Variants in PIBF1 observed in about 807,000 individuals in gnomAD.
The protein encoded by PIBF1 is progesterone-induced-blocking factor 1.
A neutral mutation model predicts 112.5 loss-of-function variants in PIBF1; 90 were observed. The ratio of observed to expected loss-of-function variants is 0.80; its 90% CI spans 0.67 to 0.95. The LOEUF (loss-of-function observed/expected upper bound fraction) is 0.95, where lower values mean the gene tolerates loss of function less well. Among genes scored for constraint, PIBF1 ranks in the 40% least tolerant of loss-of-function variants. The pLI, the probability that PIBF1 is intolerant of heterozygous loss-of-function variation, is 0.00. For missense variants in PIBF1, 915 were observed against 852.3 expected, an observed-to-expected ratio of 1.07 and a Z score of -0.92; for synonymous variants, 301 against 288.6, an observed-to-expected ratio of 1.04 and a Z score of -0.44.
At chr13:72,922,150 T>A (rs1336551551) in intron 13 of PIBF1, among the ~76,000 whole-genome samples, 2 of 151,728 alleles carry the variant, frequency 1.3e-5, no homozygotes, top group Non-Finnish European at 2.9e-5. Flanking sequence ...TTTTATTTTT[T>A]ATTTTTTTGT....
intron 17 of PIBF1, among the ~76,000 whole-genome samples, chr13:72,999,240 A>T (rs1039773070): frequency 6.6e-6 from 1 of 152,082 alleles, no homozygotes; most frequent in Non-Finnish European, 1.5e-5. Context: ...ACTGAAATGC[A>T]TTGTTAGCTA....
At position 73,016,325 on chromosome 13, in the gene PIBF1, C is replaced by T. The variant is rs1327590756; in HGVS notation, c.*406C>T. 2 of 152,190 alleles carry T rather than the reference C, an allele frequency of 1.3e-5. No individual in the cohort carries two copies. Among genetic ancestry groups the T allele is most frequent in the Admixed American group, 6.6e-5 (1 of 15,260 alleles). The allele number at this position is 152,190 out of a possible 1,614,324, so 9.4% of individuals were successfully genotyped here. ...TCCACTACGAGGTACTTCAAAAGCC[C>T]AGTAATGGTGGTCAGATACCATGTA... On this transcript the variant is annotated 3_prime_UTR_variant, in exon 18 of 18. Transcript: ENST00000326291.
intron 14 of PIBF1, among the ~76,000 whole-genome samples, chr13:72,940,008 CT>C (rs1402909929): frequency 7.9e-5 from 12 of 152,190 alleles, no homozygotes; most frequent in African/African-American, 2.9e-4. Context: ...TATCATTTGG[CT>C]TTCTGGAGTT....
At chr13:72,822,404 A>G (rs2036598043) in intron 6 of PIBF1, among the ~76,000 whole-genome samples, 1 of 152,030 alleles carries the variant, frequency 6.6e-6, no homozygotes, top group Non-Finnish European at 1.5e-5. Context: ...TTTGCTACTT[A>G]TAGCAAATAC....
intron 14 of PIBF1, among the ~76,000 whole-genome samples, chr13:72,931,938 C>CTTTTTTTTTTT (rs59274277): frequency 2.8e-4 from 28 of 100,800 alleles, no homozygotes; most frequent in African/African-American, 4.3e-4. Flanking sequence ...TTGTTTCTTT[C>CTTTTTTTTTTT]TTTTTTTTTT....
intron 9 of PIBF1, among the ~76,000 whole-genome samples, chr13:72,836,790 A>G (rs1450211073): frequency 1.3e-5 from 2 of 152,026 alleles, no homozygotes; most frequent in Non-Finnish European, 2.9e-5. Flanking sequence ...TCATAAAATG[A>G]CTCTCATGAA....
intron 2 of PIBF1, among the ~76,000 whole-genome samples, chr13:72,790,582 G>T (rs1020908791): frequency 6.6e-6 from 1 of 151,858 alleles, no homozygotes; most frequent in Non-Finnish European, 1.5e-5. Flanking sequence ...CATATAGGTG[G>T]CACCTAAAGC....
chr13:72,884,372 A>G (rs2039762531), intron 10 of PIBF1: 1 of 152,204 alleles, frequency 6.6e-6, no homozygotes, highest in Non-Finnish European at 1.5e-5. Flanking sequence ...AGTCATGGTT[A>G]CAATGGAAAG....
Position 72,927,978 on chromosome 13 carries a change from C to CACAT in PIBF1, c.1731-3186_1731-3185insCATA, listed in dbSNP as rs1555316902. On this transcript the variant is annotated intron_variant, in intron 13 of 17. Coordinates refer to ENST00000326291, the MANE Select transcript of PIBF1 (RefSeq NM_006346.4). The stretch of plus-strand genomic sequence containing the variant: ...ATATATACACATATATATATATATA[C>CACAT]ATATATATATACACACACATATATA... Among the ~76,000 whole-genome samples, 340 of 74,292 alleles carry CACAT rather than the reference C, an allele frequency of 4.6e-3. 4 individuals carry two copies. The highest frequency in any genetic ancestry group is 7.2e-3 in the Admixed American group (48 of 6,626). The allele number at this position is 74,292 out of a possible 152,430, so 48.7% of individuals were successfully genotyped here.
intron 12 of PIBF1, among the ~76,000 whole-genome samples, chr13:72,915,221 C>T (rs1350518916): frequency 1.1e-4 from 16 of 152,074 alleles, no homozygotes; most frequent in Non-Finnish European, 5.9e-5. Flanking sequence ...CCTTACAAGT[C>T]TATGCTTCTG....
intron 14 of PIBF1, among the ~76,000 whole-genome samples, chr13:72,953,663 C>T (rs1309508243): frequency 6.6e-6 from 1 of 152,156 alleles, no homozygotes; most frequent in African/African-American, 2.4e-5. Context: ...CTCAAGACCT[C>T]CTGGTTAGCC....
intron 10 of PIBF1, among the ~76,000 whole-genome samples, chr13:72,885,913 G>A (rs539872426): frequency 7.9e-4 from 121 of 152,244 alleles, no homozygotes; most frequent in African/African-American, 2.8e-3. Context: ...GACTCTGGTT[G>A]CTGTATTCAG....
Position 72,854,529 on chromosome 13 carries a change from T to C in PIBF1, c.1322+374T>C, listed in dbSNP as rs575702317. Among the ~76,000 whole-genome samples the C allele has an allele frequency of 2.6e-5, 4 of 152,330 alleles. No individual in the cohort carries two copies. In the South Asian group the frequency reaches 8.3e-4, roughly 32 times the overall value. On this transcript the variant is annotated intron_variant, in intron 10 of 17. Transcript: ENST00000326291. The stretch of plus-strand genomic sequence containing the variant: ...GCTTCTCTTAGACTAAAAATACTCT[T>C]GTGTCCAGGTTCTTTCATTCCACTT...
At chr13:72,829,284 T>G (rs2036984259) in intron 8 of PIBF1, among the ~76,000 whole-genome samples, 1 of 152,228 alleles carries the variant, frequency 6.6e-6, no homozygotes. Flanking sequence ...TTAGTTTAAT[T>G]AGATTCCATT....
chr13:72,858,026 TGTGTGTGTGTGTGTGTGTGTG>T lies in PIBF1; in HGVS notation c.1322+3872_1322+3892del, dbSNP rs2038512877. On this transcript the variant is annotated intron_variant, in intron 10 of 17. Transcript: ENST00000326291. Reference sequence around the variant, plus strand: ...CTATCAGAAGTACAAATGTACATTGTGTGTGTGTGTGTGTGTGTGTGTGTGTGTGTGTATGTATTATGTGAG... The same window carrying T: ...CTATCAGAAGTACAAATGTACATTGTTGTGTGTGTGTATGTATTATGTGAG... Among the ~76,000 whole-genome samples, 4 of 1,864 alleles carry T rather than the reference TGTGTGTGTGTGTGTGTGTGTG, an allele frequency of 2.1e-3. No individual in the cohort carries two copies. The Admixed American group carries it at 0.031, about 14-fold the overall frequency. The allele number at this position is 1,864 out of a possible 152,430, so 1.2% of individuals were successfully genotyped here.
chr13:72,828,602 G>T (rs1012056050), intron 8 of PIBF1, among the ~76,000 whole-genome samples: 2 of 152,102 alleles, frequency 1.3e-5, no homozygotes, highest in Non-Finnish European at 2.9e-5. Flanking sequence ...CAAAGGACAT[G>T]AACTCATCCT....
At chr13:72,987,683 T>TG (rs1057321200) in intron 16 of PIBF1, among the ~76,000 whole-genome samples, 8 of 136,674 alleles carry the variant, frequency 5.9e-5, no homozygotes, top group African/African-American at 2.2e-4. Context: ...TTTCCTTTGT[T>TG]GTTTTTTTTT....
At chr13:72,823,469 C>T (rs112976532) in intron 6 of PIBF1, among the ~76,000 whole-genome samples, 160 of 152,130 alleles carry the variant, frequency 1.1e-3, no homozygotes, top group Middle Eastern at 0.01. Context: ...CAAGAAAGGA[C>T]TCAAACTATG....
intron 17 of PIBF1, among the ~76,000 whole-genome samples, chr13:73,015,232 T>C (rs1184887676): frequency 6.6e-6 from 1 of 152,094 alleles, no homozygotes; most frequent in African/African-American, 2.4e-5. Context: ...GCTCAAGCAG[T>C]CCTCCCACCT....
Sources: allele counts gnomAD v4.1 joint callset (sites outside exome capture counted in the v4.1 genomes callset), GRCh38; gene constraint gnomAD v4.1.1; transcripts MANE v1.5; gene names NCBI Gene and HGNC (gene_info 2026-07-23, HGNC 2026-07-21).